GABPB2: variants seen among roughly 807,000 people sequenced by gnomAD.
The protein encoded by GABPB2 is GA binding protein transcription factor subunit beta 2.
A neutral mutation model predicts 39.1 loss-of-function variants in GABPB2; 23 were observed. The observed-to-expected ratio is 0.59, with a 90% CI of 0.42 to 0.83. The LOEUF (loss-of-function observed/expected upper bound fraction) is 0.83. Among genes scored for constraint, GABPB2 ranks in the 40% least tolerant of loss-of-function variants. The pLI, the probability that GABPB2 is intolerant of heterozygous loss-of-function variation, is 0.00. For missense variants in GABPB2, 467 were observed against 541.1 expected, an observed-to-expected ratio of 0.86 and a Z score of 1.36; for synonymous variants, 184 against 199.3, an observed-to-expected ratio of 0.92 and a Z score of 0.65.
At chr1:151,090,136 G>T (rs959572667) in intron 2 of GABPB2, among the ~76,000 whole-genome samples, 1 of 151,956 alleles carries the variant, frequency 6.6e-6, no homozygotes, top group African/African-American at 2.4e-5. Flanking sequence ...TTGAGACGGG[G>T]TTTCACCATG....
In GABPB2 at chr1:151,088,295, T is replaced by C. The variant is rs751411139; in HGVS notation, c.106T>C (p.Trp36Arg). 6.8e-6 allele frequency: 11 copies of C among 1,610,716 alleles called. No individual in the cohort carries two copies. The highest frequency in any genetic ancestry group is 9.3e-6 in the Non-Finnish European group (11 of 1,177,568). The change falls in exon 2 of 9, where the codon TGG becomes CGG. Residue 36 changes from tryptophan (W) to arginine (R), a missense_variant and splice_region_variant. Coordinates refer to ENST00000368918, the MANE Select transcript of GABPB2 (RefSeq NM_144618.3). ...AAATGGCGCCCCATTCACCACAGAC[T>C]GGGTAAGCTTAGAGGAGAGGTCTCT... is the stretch of plus-strand genomic sequence containing the variant. ...MANGAPFTTD[W>R]LGTSPLHLAA...
intron 7 of GABPB2, among the ~76,000 whole-genome samples, chr1:151,113,077 CT>C (rs1370160335): frequency 4.0e-5 from 6 of 149,542 alleles, no homozygotes; most frequent in Non-Finnish European, 8.8e-5. Flanking sequence ...CGCCTAGCCC[CT>C]CAATTTTTTT....
chr1:151,086,797 A>G (rs772323435), intron 1 of GABPB2, among the ~76,000 whole-genome samples: 5 of 151,992 alleles, frequency 3.3e-5, no homozygotes, highest in Non-Finnish European at 5.9e-5. Flanking sequence ...CCTCCTGAGT[A>G]GCTGAGACTA....
In GABPB2 at chr1:151,093,363, G is replaced by C; in HGVS notation, c.448G>C (p.Ala150Pro). 1 of 1,600,864 alleles carries C rather than the reference G, an allele frequency of 6.2e-7. No homozygotes were observed. The highest frequency in any genetic ancestry group is 8.5e-7 in the Non-Finnish European group (1 of 1,174,170). ...AFDIALEKNN[A>P]EILVILQEAM... ...TGACATAGCTCTGGAGAAAAACAATGCTGAGATTTTGGTCATCCTCCAGGT... is the reference window on the plus strand; with the variant it reads ...TGACATAGCTCTGGAGAAAAACAATCCTGAGATTTTGGTCATCCTCCAGGT... The change falls in exon 4 of 9, where the codon GCT (alanine) becomes CCT (proline). Residue 150 changes from alanine (A) to proline (P), a missense_variant. Ala to Pro is a conservative substitution (Grantham distance 27, BLOSUM62 -1). Transcript: ENST00000368918.
chr1:151,088,528 C>T (rs1678398795), intron 2 of GABPB2: 2 of 1,065,908 alleles, frequency 1.9e-6, no homozygotes, highest in Non-Finnish European at 2.6e-6. Flanking sequence ...GTATTATATA[C>T]TTGTGATTTT....
intron 6 of GABPB2, among the ~76,000 whole-genome samples, chr1:151,104,789 C>CTT (rs1342101643): frequency 1.8e-5 from 1 of 56,952 alleles, no homozygotes; most frequent in Non-Finnish European, 4.3e-5. Flanking sequence ...TTCTTTCTTT[C>CTT]TTTCTTTCTT....
intron 7 of GABPB2, among the ~76,000 whole-genome samples, chr1:151,116,982 G>C (rs147692298): frequency 2.6e-5 from 4 of 152,212 alleles, no homozygotes; most frequent in South Asian, 2.1e-4. Flanking sequence ...AAGAGCTTCA[G>C]ACTTGGGACT....
At chr1:151,074,238 G>T (rs1388237674) in intron 1 of GABPB2, among the ~76,000 whole-genome samples, 1 of 149,748 alleles carries the variant, frequency 6.7e-6, no homozygotes, top group Non-Finnish European at 1.5e-5. Context: ...GCCTCCCAAA[G>T]TGCTAGGATT....
chr1:151,077,553 C>T (rs1020750101), intron 1 of GABPB2, among the ~76,000 whole-genome samples: 1 of 151,404 alleles, frequency 6.6e-6, no homozygotes, highest in Non-Finnish European at 1.5e-5. Flanking sequence ...CACAGGGTTT[C>T]ACCATGTTGG....
chr1:151,072,519 A>G (rs1676814352), intron 1 of GABPB2, among the ~76,000 whole-genome samples: 1 of 152,088 alleles, frequency 6.6e-6, no homozygotes, highest in Non-Finnish European at 1.5e-5. Context: ...ACTGCACTCC[A>G]GCCTGGACCA....
chr1:151,073,876 C>T (rs1571872062), intron 1 of GABPB2, among the ~76,000 whole-genome samples: 1 of 151,230 alleles, frequency 6.6e-6, no homozygotes, highest in Non-Finnish European at 1.5e-5. Flanking sequence ...GCCAAGATCG[C>T]GCCACTGTAC....
At chr1:151,085,203 G>A (rs1678075273) in intron 1 of GABPB2, among the ~76,000 whole-genome samples, 1 of 150,980 alleles carries the variant, frequency 6.6e-6, no homozygotes, top group Non-Finnish European at 1.5e-5. Context: ...TTCGAGACCA[G>A]CCTGACCAGC....
intron 1 of GABPB2, among the ~76,000 whole-genome samples, chr1:151,085,016 G>A (rs951982522): frequency 6.6e-6 from 1 of 151,418 alleles, no homozygotes; most frequent in Non-Finnish European, 1.5e-5. Flanking sequence ...GGAATTGCTT[G>A]AGCCTAAGTG....
intron 7 of GABPB2, among the ~76,000 whole-genome samples, chr1:151,110,005 A>ATTTTTTTTTTTTTTTT (rs71577269): frequency 3.3e-5 from 2 of 60,706 alleles, no homozygotes; most frequent in Non-Finnish European, 6.9e-5. Context: ...TGCCCAGCTA[A>ATTTTTTTTTTTTTTTT]TTTTTTTTTT....
intron 3 of GABPB2, among the ~76,000 whole-genome samples, chr1:151,091,373 T>A (rs1197243213): frequency 7.0e-6 from 1 of 143,440 alleles, no homozygotes; most frequent in Non-Finnish European, 1.5e-5. Context: ...CAGATGTGAG[T>A]CACCGCACCT....
At chr1:151,077,594 A>T (rs1411828440) in intron 1 of GABPB2, among the ~76,000 whole-genome samples, 1 of 151,186 alleles carries the variant, frequency 6.6e-6, no homozygotes, top group East Asian at 2.0e-4. Context: ...TGACCTTGTG[A>T]TCCGCCGCGC....
chr1:151,121,986 A>G lies in GABPB2; in HGVS notation c.*3730A>G, dbSNP rs587714452. ...CTTAATTAGCAGTCATGGGGAAAAC[A>G]TGCATTTTTAATTTGGAAAAAACCT... On this transcript the variant is annotated 3_prime_UTR_variant, in exon 9 of 9. Coordinates refer to ENST00000368918, the MANE Select transcript of GABPB2 (RefSeq NM_144618.3). The G allele has an allele frequency of 1.3e-5, 2 of 152,292 alleles. No individual in the cohort carries two copies. The highest frequency in any genetic ancestry group is 4.1e-4 in the South Asian group (2 of 4,826). The allele number at this position is 152,292 out of a possible 1,614,324, so 9.4% of individuals were successfully genotyped here.
At chr1:151,117,756 G>C (rs942482654) in intron 8 of GABPB2, among the ~76,000 whole-genome samples, 1 of 152,080 alleles carries the variant, frequency 6.6e-6, no homozygotes, top group Admixed American at 6.6e-5. Flanking sequence ...GCTAATTTTT[G>C]TATTTTTAGT....
chr1:151,084,191 C>T (rs1172055530), intron 1 of GABPB2, among the ~76,000 whole-genome samples: 2 of 151,636 alleles, frequency 1.3e-5, no homozygotes, highest in Non-Finnish European at 2.9e-5. Context: ...CAATTGCAGG[C>T]GTGAGCCACT....
Sources: gnomAD v4.1 joint callset for allele counts (sites outside exome capture counted in the v4.1 genomes callset) on GRCh38, gnomAD v4.1.1 for gene constraint, MANE v1.5 for transcripts, NCBI Gene and HGNC (gene_info 2026-07-23, HGNC 2026-07-21) for gene names.